The following DNAH9 variants were observed in gnomAD, a reference collection of about 807,000 sequenced individuals.
DNAH9 encodes DNAH9 variant protein.
In DNAH9, 345 loss-of-function variants were observed where a neutral mutation model predicts 471.6. The ratio of observed to expected loss-of-function variants is 0.73; its 90% CI spans 0.67 to 0.80. The LOEUF (loss-of-function observed/expected upper bound fraction) is 0.80. DNAH9 is among the 30% of genes least tolerant of loss of function. The pLI, the probability that DNAH9 is intolerant of heterozygous loss-of-function variation, is 0.00. For missense variants in DNAH9, 5,407 were observed against 5,609.2 expected, an observed-to-expected ratio of 0.96 and a Z score of 1.15; for synonymous variants, 2,093 against 2,123.6, an observed-to-expected ratio of 0.99 and a Z score of 0.40.
intron 48 of DNAH9, among the ~76,000 whole-genome samples, chr17:11,829,074 T>A (rs1449402472): frequency 3.9e-5 from 6 of 152,198 alleles, no homozygotes; most frequent in Non-Finnish European, 5.9e-5. Context: ...TCGGCAATAC[T>A]GTGCACATGG....
At chr17:11,921,607 G>A (rs1174781165) in intron 61 of DNAH9, among the ~76,000 whole-genome samples, 1 of 152,176 alleles carries the variant, frequency 6.6e-6, no homozygotes, top group African/African-American at 2.4e-5. Flanking sequence ...GGCCCAATAA[G>A]CCATCTGAGA....
intron 48 of DNAH9, 93 bp from the exon 49 acceptor site, chr17:11,834,545 C>A: frequency 1.4e-6 from 2 of 1,480,592 alleles, no homozygotes; most frequent in South Asian, 2.6e-5. Flanking sequence ...AGAGTTGGGT[C>A]CTCAGGTCAT....
Position 11,808,175 on chromosome 17 carries a change from A to G in DNAH9, c.8583+281A>G, listed in dbSNP as rs192192156. On this transcript the variant is annotated intron_variant, in intron 44 of 68. Coordinates refer to ENST00000262442, the MANE Select transcript of DNAH9 (RefSeq NM_001372.4). ...TCAAATCAGAAGCACATCTGTATCAAATTCAGCACACAGCTCACTGGCAGT... is the reference window on the plus strand; with the variant it reads ...TCAAATCAGAAGCACATCTGTATCAGATTCAGCACACAGCTCACTGGCAGT... 1.1e-4 allele frequency among the ~76,000 whole-genome samples: 17 copies of G among 152,288 alleles called. 1 individual carries two copies. The East Asian group carries it at 3.1e-3, about 28-fold the overall frequency.
chr17:11,880,557 G>C (rs59755492), intron 54 of DNAH9, among the ~76,000 whole-genome samples: 4 of 152,058 alleles, frequency 2.6e-5, no homozygotes, highest in African/African-American at 9.7e-5. Flanking sequence ...TGACAACTCG[G>C]TTCCTTGTCA....
intron 61 of DNAH9, among the ~76,000 whole-genome samples, chr17:11,912,620 A>G (rs993761172): frequency 2.6e-5 from 4 of 152,138 alleles, no homozygotes; most frequent in African/African-American, 9.7e-5. Flanking sequence ...ATTGATTTTT[A>G]GAAGTTAAAC....
intron 36 of DNAH9, 68 bp from the exon 37 acceptor site, chr17:11,768,385 C>A: frequency 6.7e-7 from 1 of 1,503,410 alleles, no homozygotes; most frequent in Non-Finnish European, 9.1e-7. Flanking sequence ...TATCTGACGC[C>A]GTGGCCTCCT....
At chr17:11,765,920 C>G (rs924531791) in intron 36 of DNAH9, among the ~76,000 whole-genome samples, 1 of 152,134 alleles carries the variant, frequency 6.6e-6, no homozygotes, top group East Asian at 1.9e-4. Context: ...GGTGCGCAGG[C>G]AGTGGAGTAT....
chr17:11,707,288 C>T (rs2074720277), intron 26 of DNAH9, among the ~76,000 whole-genome samples: 1 of 152,128 alleles, frequency 6.6e-6, no homozygotes. Context: ...TTAAAATGAC[C>T]AGATAGAATC....
At chr17:11,611,870 T>C (rs747722244) in intron 4 of DNAH9, 90 bp downstream of exon 4, 54 of 1,329,712 alleles carry the variant, frequency 4.1e-5, no homozygotes, top group Non-Finnish European at 5.6e-5. Flanking sequence ...ATTCCGCAAC[T>C]TCAAGTCCTT....
At chr17:11,870,712 T>C (rs1277649474) in intron 51 of DNAH9, among the ~76,000 whole-genome samples, 1 of 152,120 alleles carries the variant, frequency 6.6e-6, no homozygotes, top group Non-Finnish European at 1.5e-5. Flanking sequence ...TTTCTGAACT[T>C]AGCGCAGCCT....
At position 11,941,740 on chromosome 17, in the gene DNAH9, T is replaced by A. The variant is rs549052387; in HGVS notation, c.12661-563T>A. The stretch of plus-strand genomic sequence containing the variant: ...GATAGATAGATAGATAGATAGATAG[T>A]GATAGATTAGATAGATGGATAGATG... On this transcript the variant is annotated intron_variant, in intron 66 of 68. Coordinates refer to ENST00000262442, the MANE Select transcript of DNAH9 (RefSeq NM_001372.4). Among the ~76,000 whole-genome samples, 501 of 146,826 alleles carry A rather than the reference T, an allele frequency of 3.4e-3. 5 individuals are homozygous for A. The highest frequency in any genetic ancestry group is 0.012 in the African/African-American group (489 of 39,364).
intron 50 of DNAH9, among the ~76,000 whole-genome samples, chr17:11,857,407 AC>A (rs1375720615): frequency 3.3e-5 from 5 of 152,150 alleles, no homozygotes; most frequent in Non-Finnish European, 7.4e-5. Flanking sequence ...CCTGCTAATA[AC>A]ACAGGAGATG....
chr17:11,743,802 A>G (rs1178630000), intron 30 of DNAH9, among the ~76,000 whole-genome samples: 3 of 149,906 alleles, frequency 2.0e-5, no homozygotes, highest in African/African-American at 4.9e-5. Context: ...GTTCTTTGTC[A>G]TCATTGCATA....
intron 67 of DNAH9, among the ~76,000 whole-genome samples, chr17:11,956,369 G>GAAAT (rs1314057467): frequency 6.6e-6 from 1 of 151,916 alleles, no homozygotes; most frequent in African/African-American, 2.4e-5. Context: ...ATCAAAAGAA[G>GAAAT]AAATAAACAA....
chr17:11,943,127 C>T (rs1049437102), intron 67 of DNAH9, among the ~76,000 whole-genome samples: 2 of 151,758 alleles, frequency 1.3e-5, no homozygotes, highest in Admixed American at 1.3e-4. Context: ...ATCTCCTGAC[C>T]TCATAATCCA....
At chr17:11,922,757 G>A (rs1050869797) in intron 61 of DNAH9, among the ~76,000 whole-genome samples, 5 of 152,274 alleles carry the variant, frequency 3.3e-5, no homozygotes, top group Admixed American at 6.5e-5. Flanking sequence ...GAGGTTAATA[G>A]GGCATAAAGT....
At chr17:11,649,387 T>C (rs1206347874) in intron 12 of DNAH9, among the ~76,000 whole-genome samples, 1 of 152,208 alleles carries the variant, frequency 6.6e-6, no homozygotes, top group African/African-American at 2.4e-5. Context: ...GTTTTTAGTT[T>C]AATAGACTGC....
intron 45 of DNAH9, among the ~76,000 whole-genome samples, chr17:11,811,158 C>T (rs1281308253): frequency 6.6e-6 from 1 of 151,928 alleles, no homozygotes; most frequent in Non-Finnish European, 1.5e-5. Context: ...ACTAAAAATA[C>T]AAAAATTAGC....
chr17:11,831,793 C>A (rs557115636), intron 48 of DNAH9, among the ~76,000 whole-genome samples: 4 of 152,174 alleles, frequency 2.6e-5, no homozygotes, highest in Non-Finnish European at 5.9e-5. Flanking sequence ...TGACTGCTCT[C>A]TTTAGCATCA....
Sources: allele counts gnomAD v4.1 joint callset (sites outside exome capture counted in the v4.1 genomes callset), GRCh38; gene constraint gnomAD v4.1.1; transcripts MANE v1.5; gene names NCBI Gene and HGNC (gene_info 2026-07-23, HGNC 2026-07-21).